The following MAGI3 variants were observed in gnomAD, a reference collection of about 807,000 sequenced individuals.
The protein encoded by MAGI3 is membrane-associated guanylate kinase, WW and PDZ domain-containing protein 3.
In MAGI3, 43 loss-of-function variants were observed where a neutral mutation model predicts 121.8. The ratio of observed to expected loss-of-function variants is 0.35; its 90% CI spans 0.28 to 0.46. The LOEUF (loss-of-function observed/expected upper bound fraction) is 0.46, where lower values mean the gene tolerates loss of function less well. Among genes scored for constraint, MAGI3 ranks in the 20% least tolerant of loss-of-function variants. MAGI3 has a pLI of 1.00. For missense variants in MAGI3, 1,547 were observed against 1,797.3 expected (o/e 0.86, Z 2.52); for synonymous variants, 553 against 639.3 (o/e 0.86, Z 2.04).
Position 113,585,648 on chromosome 1 carries a change from A to G in MAGI3, c.763+52A>G, listed in dbSNP as rs757089234. The G allele has an allele frequency of 3.4e-6, 5 of 1,467,720 alleles. 1 individual carries two copies. Among genetic ancestry groups the G allele is most frequent in the South Asian group, 1.3e-5 (1 of 78,254 alleles). The allele number at this position is 1,467,720 out of a possible 1,614,324, so 90.9% of individuals were successfully genotyped here. ...ACTGATCTTCTAGATTGATTTTACTATTACGTTGAATTAAAAGCACTAAAA... is the reference window on the plus strand; with the variant it reads ...ACTGATCTTCTAGATTGATTTTACTGTTACGTTGAATTAAAAGCACTAAAA... On this transcript the variant is annotated intron_variant, in intron 4 of 20. Transcript: ENST00000307546.
At chr1:113,537,927 A>G (rs1659085650) in intron 1 of MAGI3, among the ~76,000 whole-genome samples, 1 of 152,168 alleles carries the variant, frequency 6.6e-6, no homozygotes. Flanking sequence ...TACTTAAATT[A>G]TTTTGTTTGT....
chr1:113,480,708 A>G (rs1287439381), intron 1 of MAGI3, among the ~76,000 whole-genome samples: 3 of 152,150 alleles, frequency 2.0e-5, no homozygotes, highest in Non-Finnish European at 4.4e-5. Context: ...TCCATGCTTC[A>G]CTGAGGTGCT....
chr1:113,442,635 A>G (rs1341319618), intron 1 of MAGI3, among the ~76,000 whole-genome samples: 1 of 151,850 alleles, frequency 6.6e-6, no homozygotes, highest in South Asian at 2.1e-4. Flanking sequence ...ATGATCGTAT[A>G]TATAATGATC....
chr1:113,397,611 A>G (rs187327861), intron 1 of MAGI3, among the ~76,000 whole-genome samples: 86 of 152,302 alleles, frequency 5.6e-4, no homozygotes, highest in East Asian at 2.9e-3. Context: ...AGGGCACAAA[A>G]TCCACATTAT....
intron 6 of MAGI3, among the ~76,000 whole-genome samples, chr1:113,595,607 T>C (rs1272811690): frequency 2.0e-5 from 3 of 152,098 alleles, no homozygotes; most frequent in African/African-American, 7.2e-5. Context: ...GAAGAAGCAA[T>C]CAGAAAATGG....
At chr1:113,679,945 TC>T (rs1490033287) in intron 19 of MAGI3, among the ~76,000 whole-genome samples, 1 of 152,188 alleles carries the variant, frequency 6.6e-6, no homozygotes, top group Non-Finnish European at 1.5e-5. Flanking sequence ...CCTCAGGTGA[TC>T]CACCAGCCTC....
chr1:113,634,254 G>A lies in MAGI3; in HGVS notation c.1361-7657G>A, dbSNP rs1322334579. The stretch of plus-strand genomic sequence containing the variant: ...TCTTTAGTTTAATTAGATCCCATTT[G>A]TCAATTTTGGCTTTTGTTGCCATTG... On this transcript the variant is annotated intron_variant, in intron 9 of 20. Transcript: ENST00000307546. Among the ~76,000 whole-genome samples the A allele has an allele frequency of 2.0e-5, 3 of 151,372 alleles. No homozygotes were observed. The East Asian group carries it at 5.8e-4, about 29-fold the overall frequency.
At chr1:113,468,483 A>G (rs1655394791) in intron 1 of MAGI3, among the ~76,000 whole-genome samples, 1 of 152,178 alleles carries the variant, frequency 6.6e-6, no homozygotes, top group African/African-American at 2.4e-5. Context: ...TTTATTTAAT[A>G]TAAGTTAAAT....
At chr1:113,439,972 T>A (rs1308198405) in intron 1 of MAGI3, among the ~76,000 whole-genome samples, 4 of 152,196 alleles carry the variant, frequency 2.6e-5, no homozygotes, top group African/African-American at 9.7e-5. Flanking sequence ...GATGATATGA[T>A]CTTGTGTAAT....
At chr1:113,547,228 C>A (rs1278811747) in intron 1 of MAGI3, among the ~76,000 whole-genome samples, 1 of 151,450 alleles carries the variant, frequency 6.6e-6, no homozygotes, top group Non-Finnish European at 1.5e-5. Context: ...AAAATGCAAT[C>A]TGAGTTTTTA....
chr1:113,676,539 A>T (rs4839333), intron 19 of MAGI3, among the ~76,000 whole-genome samples: 14,193 of 152,286 alleles, frequency 0.093, 864 homozygotes, highest in East Asian at 0.19. Context: ...GTGTGCTCTA[A>T]CCTGTAAGAA....
At position 113,673,330 on chromosome 1, in the gene MAGI3, T is replaced by C. The variant is rs1647675676; in HGVS notation, c.3054T>C (p.Gly1018=). 6.2e-7 allele frequency: 1 copy of C among 1,609,794 alleles called. No homozygotes were observed. The highest frequency in any genetic ancestry group is 1.3e-5 in the African/African-American group (1 of 74,542). Residue 1018 remains glycine (G), a synonymous_variant, in exon 19 of 21, where the codon GGT becomes GGC. Coordinates refer to ENST00000307546, the MANE Select transcript of MAGI3 (RefSeq NM_001142782.2). ...TACTTCTTTCTCTCTAGAACCTTGG[T>C]TGTTATCCAGTAGAGCTGGAGAGAG... ...VVGSRHNQNL[G]CYPVELERGP... is the part of the protein sequence containing the mutation.
At chr1:113,416,501 A>C (rs1209553331) in intron 1 of MAGI3, among the ~76,000 whole-genome samples, 1 of 12,110 alleles carries the variant, frequency 8.3e-5, no homozygotes, top group Non-Finnish European at 2.8e-4. Context: ...ATAATTAATA[A>C]GGGAATATGT....
chr1:113,497,118 G>C (rs952969577), intron 1 of MAGI3, among the ~76,000 whole-genome samples: 1 of 152,164 alleles, frequency 6.6e-6, no homozygotes, highest in Non-Finnish European at 1.5e-5. Flanking sequence ...TTAGCTGGGC[G>C]TGATGGCGCA....
At chr1:113,682,270 G>A (rs779995001) in intron 20 of MAGI3, 1 of 1,607,622 alleles carries the variant, frequency 6.2e-7, no homozygotes, top group Non-Finnish European at 8.5e-7. Context: ...AAGGCTTTCA[G>A]GGCTTTTCTT....
intron 1 of MAGI3, among the ~76,000 whole-genome samples, chr1:113,476,884 T>C (rs537059543): frequency 3.9e-5 from 6 of 152,336 alleles, no homozygotes; most frequent in Non-Finnish European, 1.5e-5. Context: ...TCTTAAGGAC[T>C]TGCTTTATGA....
At position 113,515,279 on chromosome 1, in the gene MAGI3, G is replaced by T. The variant is rs749744300; in HGVS notation, c.317-34236G>T. Among the ~76,000 whole-genome samples the T allele has an allele frequency of 2.8e-4, 42 of 151,924 alleles. 1 individual carries two copies. The highest frequency in any genetic ancestry group is 1.3e-4 in the Admixed American group (2 of 15,240). ...TTGGGACTATTGAGTTTTGTGATTT[G>T]ACATTTGTTGTATTGGAATCTGATC... On this transcript the variant is annotated intron_variant, in intron 1 of 20. Transcript: ENST00000307546.
intron 1 of MAGI3, among the ~76,000 whole-genome samples, chr1:113,478,250 C>G (rs1570734297): frequency 6.6e-6 from 1 of 152,262 alleles, no homozygotes; most frequent in East Asian, 1.9e-4. Flanking sequence ...AAAATCATTC[C>G]CTGTCCAGCT....
chr1:113,514,854 C>G (rs942449193), intron 1 of MAGI3, among the ~76,000 whole-genome samples: 7 of 152,034 alleles, frequency 4.6e-5, no homozygotes. Flanking sequence ...TAGAATGTAA[C>G]TCCAGGATAT....
Sources: allele counts gnomAD v4.1 joint callset (sites outside exome capture counted in the v4.1 genomes callset), GRCh38; gene constraint gnomAD v4.1.1; transcripts MANE v1.5; gene names NCBI Gene and HGNC (gene_info 2026-07-23, HGNC 2026-07-21).